The following SDK1 variants were observed in gnomAD, a reference collection of about 807,000 sequenced individuals.
The protein encoded by SDK1 is sidekick cell adhesion molecule 1, also known as protein sidekick-1.
In SDK1, 157 loss-of-function variants were observed where a neutral mutation model predicts 245.5. The ratio of observed to expected loss-of-function variants is 0.64; its 90% CI spans 0.56 to 0.73. The LOEUF is 0.73. Among genes scored for constraint, SDK1 ranks in the 30% least tolerant of loss-of-function variants. The pLI is 0.00. For synonymous variants in SDK1, 1,647 were observed against 1,278.5 expected (o/e 1.29, Z -6.15); for missense variants, 3,583 against 3,002.3 (o/e 1.19, Z -4.52).
chr7:3,957,167 G>T (rs1401421816), intron 7 of SDK1, among the ~76,000 whole-genome samples: 1 of 152,180 alleles, frequency 6.6e-6, no homozygotes, highest in Non-Finnish European at 1.5e-5. Context: ...GGTTGTGAGG[G>T]GTGGGGGTTT....
chr7:3,715,858 T>C (rs1272649742), intron 4 of SDK1, among the ~76,000 whole-genome samples: 1 of 152,172 alleles, frequency 6.6e-6, no homozygotes, highest in East Asian at 1.9e-4. Context: ...ACAAGGATTT[T>C]AAAGCAGCCA....
At chr7:3,684,977 G>C (rs1441843895) in intron 4 of SDK1, among the ~76,000 whole-genome samples, 2 of 152,116 alleles carry the variant, frequency 1.3e-5, no homozygotes, top group African/African-American at 4.8e-5. Flanking sequence ...AACAACAATG[G>C]ACCCAAAGGG....
At chr7:3,722,753 G>T (rs1404783583) in intron 4 of SDK1, among the ~76,000 whole-genome samples, 1 of 152,144 alleles carries the variant, frequency 6.6e-6, no homozygotes, top group South Asian at 2.1e-4. Flanking sequence ...GGGGACTCGC[G>T]CGGGTGGCTC....
intron 29 of SDK1, 131 bp downstream of exon 29, chr7:4,146,047 A>G (rs1194169133): frequency 2.6e-6 from 2 of 769,028 alleles, no homozygotes; most frequent in East Asian, 2.7e-5. Context: ...GGATGTGAGC[A>G]TTTACAAAGC....
At chr7:3,580,996 C>CAAA (rs1418335916) in intron 1 of SDK1, among the ~76,000 whole-genome samples, 5,663 of 92,518 alleles carry the variant, frequency 0.061, 975 homozygotes, top group South Asian at 0.092. Flanking sequence ...AAAAAAAAAC[C>CAAA]AAAACAAAAC....
intron 13 of SDK1, among the ~76,000 whole-genome samples, chr7:3,982,381 G>A (rs990051455): frequency 5.3e-5 from 8 of 152,152 alleles, no homozygotes; most frequent in African/African-American, 1.4e-4. Flanking sequence ...CACAACATCC[G>A]TTCTGCAGAC....
chr7:3,429,112 C>T (rs1779758852), intron 1 of SDK1, among the ~76,000 whole-genome samples: 2 of 152,156 alleles, frequency 1.3e-5, no homozygotes, highest in South Asian at 4.1e-4. Context: ...AATCCAGCTT[C>T]TGCAATAATG....
At chr7:3,855,950 C>T (rs1182810085) in intron 5 of SDK1, among the ~76,000 whole-genome samples, 2 of 152,070 alleles carry the variant, frequency 1.3e-5, no homozygotes, top group Non-Finnish European at 2.9e-5. Flanking sequence ...ATGATGTACT[C>T]CAGCAGTAAA....
intron 1 of SDK1, among the ~76,000 whole-genome samples, chr7:3,522,480 A>G (rs926918693): frequency 2.6e-5 from 4 of 152,188 alleles, no homozygotes; most frequent in Admixed American, 6.5e-5. Flanking sequence ...TACATGGCAT[A>G]AAATAAATAC....
intron 4 of SDK1, among the ~76,000 whole-genome samples, chr7:3,740,031 A>G (rs1220407548): frequency 2.0e-4 from 31 of 152,206 alleles, no homozygotes; most frequent in Non-Finnish European, 1.5e-5. Context: ...TGGTCATCTA[A>G]TAACTGGATA....
intron 1 of SDK1, among the ~76,000 whole-genome samples, chr7:3,497,311 T>G (rs1408853163): frequency 1.3e-5 from 2 of 152,182 alleles, no homozygotes; most frequent in African/African-American, 4.8e-5. Context: ...GACTGGTGCT[T>G]ATAGATTTGT....
At chr7:4,141,271 A>G (rs966529477) in intron 28 of SDK1, among the ~76,000 whole-genome samples, 3 of 152,220 alleles carry the variant, frequency 2.0e-5, no homozygotes, top group Non-Finnish European at 4.4e-5. Flanking sequence ...ATTGATAGAA[A>G]GGAGGGTCTG....
At chr7:3,480,324 G>C (rs1423311379) in intron 1 of SDK1, among the ~76,000 whole-genome samples, 1 of 152,194 alleles carries the variant, frequency 6.6e-6, no homozygotes, top group Non-Finnish European at 1.5e-5. Context: ...GGAGCCGCGA[G>C]GCCATGAAGA....
chr7:4,119,588 A>G (rs953083091), intron 25 of SDK1, among the ~76,000 whole-genome samples: 1 of 149,032 alleles, frequency 6.7e-6, no homozygotes, highest in Non-Finnish European at 1.5e-5. Flanking sequence ...GTTACATATC[A>G]TACCCCAATA....
Position 4,265,443 on chromosome 7 carries a change from G to C in SDK1, c.*59G>C. 7.2e-7 allele frequency: 1 copy of C among 1,397,534 alleles called. No homozygotes were observed. Among genetic ancestry groups the C allele is most frequent in the Non-Finnish European group, 9.2e-7 (1 of 1,084,102 alleles). The allele number at this position is 1,397,534 out of a possible 1,614,324, so 86.6% of individuals were successfully genotyped here. A position where few individuals can be genotyped will look rare whatever the true frequency, so the allele number is the denominator to read the frequency against. ...AGGCAACTTTCCGGAGTCTATTTTT[G>C]TTAAGACAATCAACTCCAATAACTG... On this transcript the variant is annotated 3_prime_UTR_variant, in exon 45 of 45. Transcript: ENST00000404826.
chr7:3,955,782 C>G (rs1484525524), intron 7 of SDK1, among the ~76,000 whole-genome samples: 1 of 152,212 alleles, frequency 6.6e-6, no homozygotes, highest in Non-Finnish European at 1.5e-5. Flanking sequence ...GGGTCCTTCT[C>G]CACTGCGGTT....
intron 35 of SDK1, among the ~76,000 whole-genome samples, chr7:4,193,164 A>T (rs1433833979): frequency 3.7e-5 from 5 of 134,132 alleles, no homozygotes; most frequent in African/African-American, 1.4e-4. Context: ...AATATATATT[A>T]AAATATTTAT....
At chr7:3,391,538 A>C (rs1205102833) in intron 1 of SDK1, among the ~76,000 whole-genome samples, 3 of 152,152 alleles carry the variant, frequency 2.0e-5, no homozygotes, top group African/African-American at 7.2e-5. Flanking sequence ...TATTATACCC[A>C]AAATATGTTT....
At chr7:4,241,618 G>C (rs1786521257) in intron 42 of SDK1, among the ~76,000 whole-genome samples, 175 bp from the exon 43 acceptor site, 1 of 152,218 alleles carries the variant, frequency 6.6e-6, no homozygotes, top group South Asian at 2.1e-4. Context: ...ACTGTGATCA[G>C]TACCTAGCTC....
Sources: gnomAD v4.1 joint callset for allele counts (sites outside exome capture counted in the v4.1 genomes callset) on GRCh38, gnomAD v4.1.1 for gene constraint, MANE v1.5 for transcripts, NCBI Gene and HGNC (gene_info 2026-07-23, HGNC 2026-07-21) for gene names.